DCUN1D2: variants seen among roughly 807,000 people sequenced by gnomAD.
The protein encoded by DCUN1D2 is DCN1-like protein 2.
In DCUN1D2, 29 loss-of-function variants were observed where a neutral mutation model predicts 30.9. The ratio of observed to expected loss-of-function variants is 0.94; its 90% CI spans 0.70 to 1.28. The LOEUF is 1.28. Ranked by LOEUF, DCUN1D2 falls within the 50% of genes most tolerant of loss-of-function variation. DCUN1D2 has a pLI of 0.00. For synonymous variants in DCUN1D2, 121 were observed against 115.3 expected (o/e 1.05, Z -0.32); for missense variants, 325 against 316.9 (o/e 1.03, Z -0.19).
rs192800968 is a variant in DCUN1D2, at chr13:113,467,051, G to A, written c.521-5915C>T. 2.3e-3 allele frequency among the ~76,000 whole-genome samples: 349 copies of A among 151,810 alleles called. 4 individuals are homozygous for A. Among genetic ancestry groups the A allele is most frequent in the Non-Finnish European group, 1.8e-3 (124 of 67,888 alleles). On this transcript the variant is annotated intron_variant, in intron 4 of 6. Transcript: ENST00000478244. ...TCTCGATCTCCTGACCTCGTGATCC[G>A]CCCGCCTCGGCCTCCCAAAGTGCTG... is the stretch of plus-strand genomic sequence containing the variant.
chr13:113,481,745 G>A lies in DCUN1D2; in HGVS notation c.221-1002C>T, dbSNP rs1396228733. Reference sequence around the variant, plus strand: ...CTAAAAATACAAAAATTAACTGGGCGGGGTGGCTCACGCCTATAGTCCCAG... The same window carrying A: ...CTAAAAATACAAAAATTAACTGGGCAGGGTGGCTCACGCCTATAGTCCCAG... On this transcript the variant is annotated intron_variant, in intron 2 of 6. Coordinates refer to ENST00000478244, the MANE Select transcript of DCUN1D2 (RefSeq NM_001014283.2). Among the ~76,000 whole-genome samples, 6 of 151,864 alleles carry A rather than the reference G, an allele frequency of 4.0e-5. No homozygotes were observed. The East Asian group carries it at 9.6e-4, about 24-fold the overall frequency.
At chr13:113,472,991 G>A (rs1595578666) in intron 4 of DCUN1D2, among the ~76,000 whole-genome samples, 1 of 125,182 alleles carries the variant, frequency 8.0e-6, no homozygotes, top group Non-Finnish European at 1.6e-5. Context: ...GTCCCCCCGT[G>A]CCTCTGTCCC....
chr13:113,458,003 A>C lies in DCUN1D2; in HGVS notation c.*26T>G, dbSNP rs1316227091. ...CCTTGCAGGATACAAATCATTTCAT[A>C]ATCTTACTCCTGCTTAACTTGCTGC... On this transcript the variant is annotated 3_prime_UTR_variant, in exon 7 of 7. Coordinates refer to ENST00000478244, the MANE Select transcript of DCUN1D2 (RefSeq NM_001014283.2). 2.5e-6 allele frequency: 4 copies of C among 1,597,526 alleles called. No homozygotes were observed. The South Asian group carries it at 3.3e-5, about 13-fold the overall frequency.
At chr13:113,480,875 G>T in intron 2 of DCUN1D2, 132 bp from the exon 3 acceptor site, 1 of 807,020 alleles carries the variant, frequency 1.2e-6, no homozygotes, top group Non-Finnish European at 1.9e-6. Flanking sequence ...TCAATCAATA[G>T]GCTGCAGTTT....
In DCUN1D2 at chr13:113,459,336, C is replaced by A. The variant is rs768395756; in HGVS notation, c.676G>T (p.Asp226Tyr). Residue 226 changes from aspartate to tyrosine, a missense_variant, in exon 6 of 7, where the codon GAT (aspartate) becomes TAT (tyrosine). Asp to Tyr is a radical substitution (Grantham distance 160). Coordinates refer to ENST00000478244, the MANE Select transcript of DCUN1D2 (RefSeq NM_001014283.2). ...CCTTCTTCATCGTAGTTAGACATAT[C>A]ATCCGCAATCATGTTTCCAAAGTCC... ...LLDFGNMIAD[D>Y]MSNYDEEGAW... The A allele has an allele frequency of 2.5e-6, 4 of 1,597,468 alleles. No homozygotes were observed. Among genetic ancestry groups the A allele is most frequent in the Non-Finnish European group, 2.6e-6 (3 of 1,165,072 alleles).
rs1595561709 is a variant in DCUN1D2, at chr13:113,456,459, T to C, written c.*1570A>G. On this transcript the variant is annotated 3_prime_UTR_variant, in exon 7 of 7. Transcript: ENST00000478244. ...CCAACCCAGCTGCTTGTCTGGGCCA[T>C]GCTCTCTCACACCGCAGCTAGGTCA... The C allele has an allele frequency of 7.5e-6, 3 of 398,516 alleles. No individual in the cohort carries two copies. Among genetic ancestry groups the C allele is most frequent in the East Asian group, 7.1e-5 (2 of 28,094 alleles). 24.7% of individuals were successfully genotyped at this position (398,516 alleles called of 1,614,324 possible).
chr13:113,474,370 C>G, intron 3 of DCUN1D2, 116 bp from the exon 4 acceptor site: 1 of 1,410,014 alleles, frequency 7.1e-7, no homozygotes, highest in Non-Finnish European at 9.6e-7. Flanking sequence ...GACCGTATTT[C>G]CCAACTTCCT....
chr13:113,477,190 T>C (rs956499615), intron 3 of DCUN1D2, among the ~76,000 whole-genome samples: 1 of 152,190 alleles, frequency 6.6e-6, no homozygotes, highest in Admixed American at 6.5e-5. Flanking sequence ...CCACTATCTA[T>C]TGGGATTTTT....
intron 6 of DCUN1D2, 110 bp from the exon 7 acceptor site, chr13:113,458,218 A>C: frequency 1.1e-6 from 1 of 905,004 alleles, no homozygotes. Flanking sequence ...AAATGACTTG[A>C]GGTCCACACC....
chr13:113,482,716 G>A (rs536973199), intron 2 of DCUN1D2, among the ~76,000 whole-genome samples: 6 of 152,268 alleles, frequency 3.9e-5, no homozygotes, highest in East Asian at 1.9e-4. Context: ...AGGCCGAGGC[G>A]GGTGGATCAT....
At chr13:113,470,962 C>T (rs1347964584) in intron 4 of DCUN1D2, among the ~76,000 whole-genome samples, 2 of 148,084 alleles carry the variant, frequency 1.4e-5, no homozygotes, top group Non-Finnish European at 3.0e-5. Context: ...GGGGACCCAA[C>T]TCCACAGGGG....
chr13:113,490,625 G>A lies in DCUN1D2; in HGVS notation c.3+42C>T. Reference sequence around the variant, plus strand: ...TGCGCCGACCTTGGGGCCCGACCCCGACCCCGACCCCGACGGGCAGAGGCG... The same window carrying A: ...TGCGCCGACCTTGGGGCCCGACCCCAACCCCGACCCCGACGGGCAGAGGCG... On this transcript the variant is annotated intron_variant, in intron 1 of 6. Coordinates refer to ENST00000478244, the MANE Select transcript of DCUN1D2 (RefSeq NM_001014283.2). The surrounding 1 kb of genome is among the most constrained non-coding windows in gnomAD (Gnocchi z 5.2). The A allele has an allele frequency of 8.2e-7, 1 of 1,221,424 alleles. No individual in the cohort carries two copies. Among genetic ancestry groups the A allele is most frequent in the Non-Finnish European group, 1.0e-6 (1 of 980,446 alleles). 75.7% of individuals were successfully genotyped at this position (1,221,424 alleles called of 1,614,324 possible).
chr13:113,477,527 T>G (rs1236016359), intron 3 of DCUN1D2, among the ~76,000 whole-genome samples: 1 of 152,172 alleles, frequency 6.6e-6, no homozygotes, highest in Non-Finnish European at 1.5e-5. Flanking sequence ...ATTTTACCCA[T>G]AGGGTGGACT....
chr13:113,491,448 G>A (rs1369105682), upstream of DCUN1D2, among the ~76,000 whole-genome samples: 2 of 135,340 alleles, frequency 1.5e-5, no homozygotes, highest in Admixed American at 7.4e-5. Flanking sequence ...CTCCCTCCCC[G>A]GGGCTCCCAT....
chr13:113,461,471 C>T (rs1471961109), intron 4 of DCUN1D2, among the ~76,000 whole-genome samples: 1 of 152,214 alleles, frequency 6.6e-6, no homozygotes, highest in African/African-American at 2.4e-5. Flanking sequence ...TAATGCGTAT[C>T]ATTTGTTTTT....
At chr13:113,477,786 G>A (rs1225665133) in intron 3 of DCUN1D2, among the ~76,000 whole-genome samples, 3 of 140,382 alleles carry the variant, frequency 2.1e-5, no homozygotes, top group African/African-American at 8.0e-5. Context: ...TTTTCCTGTT[G>A]TTAACCATGG....
At chr13:113,483,038 G>C (rs2044737392) in intron 2 of DCUN1D2, among the ~76,000 whole-genome samples, 1 of 152,228 alleles carries the variant, frequency 6.6e-6, no homozygotes, top group Non-Finnish European at 1.5e-5. Context: ...GTTTAAATGA[G>C]AGTCAGGGCT....
intron 4 of DCUN1D2, among the ~76,000 whole-genome samples, chr13:113,471,384 C>T (rs534670291): frequency 5.8e-4 from 88 of 152,264 alleles, no homozygotes; most frequent in African/African-American, 2.1e-3. Context: ...ACAGGGGACC[C>T]AACTCCACAG....
intron 4 of DCUN1D2, among the ~76,000 whole-genome samples, chr13:113,466,801 ATTTTTTTT>A (rs112063279): frequency 0.22 from 23,958 of 109,914 alleles, 2,621 homozygotes; most frequent in African/African-American, 0.39. Context: ...TGTCCTTTGG[ATTTTTTTT>A]TTTTTTTTTT....
Sources: allele counts gnomAD v4.1 joint callset (sites outside exome capture counted in the v4.1 genomes callset), GRCh38; gene constraint gnomAD v4.1.1; non-coding constraint Gnocchi (gnomAD v3.1); transcripts MANE v1.5; gene names NCBI Gene and HGNC (gene_info 2026-07-23, HGNC 2026-07-21).